The following PHF3 variants were observed in gnomAD, a reference collection of about 807,000 sequenced individuals.
The protein encoded by PHF3 is PHD finger protein 3.
In PHF3, 41 loss-of-function variants were observed where a neutral mutation model predicts 178.4. The observed-to-expected ratio is 0.23, with a 90% confidence interval of 0.18 to 0.30. PHF3 has a LOEUF of 0.30. Ranked by LOEUF, PHF3 falls within the 10% of genes least tolerant of loss-of-function variation. The pLI is 1.00. For synonymous variants in PHF3, 842 were observed against 800.5 expected (o/e 1.05, Z -0.88); for missense variants, 2,346 against 2,398.1 (o/e 0.98, Z 0.45).
Position 63,685,545 on chromosome 6 carries a change from A to G in PHF3, c.1823A>G (p.Lys608Arg). The G allele has an allele frequency of 6.2e-7, 1 of 1,614,170 alleles. No homozygotes were observed. The highest frequency in any genetic ancestry group is 8.5e-7 in the Non-Finnish European group (1 of 1,180,034). The change falls in exon 4 of 16, where the codon AAA (lysine) becomes AGA (arginine). Residue 608 changes from lysine to arginine, a missense_variant. Around this residue, in one of 8 missense-constraint regions of PHF3, gnomAD observed 843 missense variants for 795.2 expected, o/e 1.06. Coordinates refer to ENST00000262043, the MANE Select transcript of PHF3 (RefSeq NM_001370348.2). ...DKSHAHPGCL[K>R]EPHHPAQTGH... ...TCACACGCTCATCCTGGTTGCTTGA[A>G]AGAACCTCATCATCCTGCACAAACT...
intron 1 of PHF3, chr6:63,636,461 T>C (rs4142626): frequency 0.99 from 151,467 of 152,234 alleles, 75,355 homozygotes; most frequent in Middle Eastern, 1. Context: ...AGCCGTCTGC[T>C]GCGAGGGCGC....
intron 12 of PHF3, 54 bp downstream of exon 12, chr6:63,706,278 T>A (rs1249615893): frequency 1.3e-5 from 18 of 1,361,488 alleles, no homozygotes; most frequent in Non-Finnish European, 2.0e-6. Context: ...TTTGCCAGAT[T>A]ATACTTGCAA....
intron 2 of PHF3, among the ~76,000 whole-genome samples, chr6:63,672,923 C>G (rs1371278301): frequency 6.6e-6 from 1 of 152,194 alleles, no homozygotes; most frequent in East Asian, 1.9e-4. Context: ...CTGTATGTCA[C>G]TTTCCCTTCC....
At chr6:63,701,192 TA>T (rs1365627800) in intron 9 of PHF3, among the ~76,000 whole-genome samples, 1 of 152,146 alleles carries the variant, frequency 6.6e-6, no homozygotes, top group Non-Finnish European at 1.5e-5. Flanking sequence ...CCCTGAAAAA[TA>T]AAGTTATTTT....
At chr6:63,705,769 T>C (rs1241352369) in intron 11 of PHF3, among the ~76,000 whole-genome samples, 1 of 152,222 alleles carries the variant, frequency 6.6e-6, no homozygotes, top group Non-Finnish European at 1.5e-5. Flanking sequence ...CATGATTTGC[T>C]TTGAATTGCA....
chr6:63,642,471 A>AC (rs1402543525), intron 1 of PHF3, among the ~76,000 whole-genome samples: 2 of 152,252 alleles, frequency 1.3e-5, no homozygotes, highest in Non-Finnish European at 2.9e-5. Flanking sequence ...TAGATGCTTA[A>AC]CACATGTATG....
intron 4 of PHF3, chr6:63,686,409 G>T (rs183472181): frequency 1.3e-5 from 2 of 152,008 alleles, no homozygotes; most frequent in East Asian, 3.9e-4. Context: ...ACTTTATCTT[G>T]CAGTGAAATT....
At chr6:63,665,503 T>TTC (rs1561950652) in intron 2 of PHF3, among the ~76,000 whole-genome samples, 9 of 148,908 alleles carry the variant, frequency 6.0e-5, no homozygotes, top group Non-Finnish European at 1.3e-4. Context: ...TTTTTTTTTT[T>TTC]TGAGACAGAG....
At chr6:63,653,584 G>C (rs758888786) in intron 2 of PHF3, among the ~76,000 whole-genome samples, 9 of 152,062 alleles carry the variant, frequency 5.9e-5, no homozygotes, top group Non-Finnish European at 1.2e-4. Context: ...TAACAGTGCA[G>C]ATGTACAGTT....
At chr6:63,681,182 T>A (rs62412949) in intron 3 of PHF3, among the ~76,000 whole-genome samples, 7 of 152,044 alleles carry the variant, frequency 4.6e-5, no homozygotes, top group Non-Finnish European at 8.8e-5. Context: ...AAGTTTATTT[T>A]GATGTGTGTG....
chr6:63,692,001 T>C lies in PHF3; in HGVS notation c.2454T>C (p.Tyr818=), dbSNP rs763685382. 15 of 1,613,124 alleles carry C rather than the reference T, an allele frequency of 9.3e-6. No homozygotes were observed. In the South Asian group the frequency reaches 1.3e-4, roughly 14 times the overall value. ...ACACAACAAATGATAGAACCAAATATATAGATGATACAGTGAAGCACAAGG... is the reference window on the plus strand; with the variant it reads ...ACACAACAAATGATAGAACCAAATACATAGATGATACAGTGAAGCACAAGG... ...SKHTTNDRTK[Y]IDDTVKHKVK... Residue 818 remains tyrosine (Y), a synonymous_variant, in exon 5 of 16, where the codon TAT becomes TAC. Transcript: ENST00000262043.
rs554186388 is a variant in PHF3, at chr6:63,722,100, G to C, written c.*8392G>C. The stretch of plus-strand genomic sequence containing the variant: ...CTTCAAATGAAAGCCTGTTCCTTAT[G>C]ATACCATTTAATGGCATTCACTATT... On this transcript the variant is annotated 3_prime_UTR_variant, in exon 16 of 16. Transcript: ENST00000262043. Among the ~76,000 whole-genome samples, 2 of 152,184 alleles carry C rather than the reference G, an allele frequency of 1.3e-5. No individual in the cohort carries two copies. The highest frequency in any genetic ancestry group is 2.1e-4 in the South Asian group (1 of 4,818).
At position 63,715,627 on chromosome 6, in the gene PHF3, A is replaced by T. The variant is rs932248871; in HGVS notation, c.*1919A>T. 1.3e-5 allele frequency: 2 copies of T among 152,148 alleles called. No individual in the cohort carries two copies. Among genetic ancestry groups the T allele is most frequent in the African/African-American group, 4.8e-5 (2 of 41,450 alleles). 9.4% of individuals were successfully genotyped at this position (152,148 alleles called of 1,614,324 possible). On this transcript the variant is annotated 3_prime_UTR_variant, in exon 16 of 16. Coordinates refer to ENST00000262043, the MANE Select transcript of PHF3 (RefSeq NM_001370348.2). Reference sequence around the variant, plus strand: ...TTTTTCTACATATCTAAAATTCTTTAATCAGTTCTGATCGAATCTTGATAC... The same window carrying T: ...TTTTTCTACATATCTAAAATTCTTTTATCAGTTCTGATCGAATCTTGATAC...
At chr6:63,677,900 G>A (rs192647227) in intron 2 of PHF3, among the ~76,000 whole-genome samples, 120 of 152,120 alleles carry the variant, frequency 7.9e-4, no homozygotes, top group Admixed American at 1.7e-3. Context: ...GTATTTAAAG[G>A]AGCATAGTAG....
At chr6:63,648,237 T>G (rs949409848) in intron 2 of PHF3, among the ~76,000 whole-genome samples, 1 of 152,246 alleles carries the variant, frequency 6.6e-6, no homozygotes, top group African/African-American at 2.4e-5. Context: ...TTTTAAAATT[T>G]TGTTTTATGT....
At chr6:63,657,894 TG>T (rs1765304217) in intron 2 of PHF3, among the ~76,000 whole-genome samples, 1 of 152,236 alleles carries the variant, frequency 6.6e-6, no homozygotes, top group African/African-American at 2.4e-5. Context: ...AGTTTTGCTG[TG>T]GGATAAGTAG....
chr6:63,648,025 G>T lies in PHF3; in HGVS notation c.244+1230G>T, dbSNP rs565900096. ...GCAATACTTAAAGTTGGGAATAGGT[G>T]GTCTGCTGTTGGCCCTTAAGTTTGC... On this transcript the variant is annotated intron_variant, in intron 2 of 15. Coordinates refer to ENST00000262043, the MANE Select transcript of PHF3 (RefSeq NM_001370348.2). Among the ~76,000 whole-genome samples, 7 of 152,194 alleles carry T rather than the reference G, an allele frequency of 4.6e-5. No individual in the cohort carries two copies. In the South Asian group the frequency reaches 1.2e-3, roughly 27 times the overall value.
chr6:63,697,609 A>C (rs1319682864), intron 6 of PHF3, among the ~76,000 whole-genome samples: 1 of 152,206 alleles, frequency 6.6e-6, no homozygotes, highest in Non-Finnish European at 1.5e-5. Context: ...ACACATGTTT[A>C]AAAGAGAGAG....
At chr6:63,659,686 T>C (rs1164294755) in intron 2 of PHF3, among the ~76,000 whole-genome samples, 2 of 152,290 alleles carry the variant, frequency 1.3e-5, no homozygotes, top group Non-Finnish European at 2.9e-5. Flanking sequence ...TTATACTTAC[T>C]CGTTCAGCAA....
Sources: gnomAD v4.1 joint callset for allele counts (sites outside exome capture counted in the v4.1 genomes callset) on GRCh38, gnomAD v4.1.1 for gene constraint, gnomAD v4.1.1 regional missense constraint, MANE v1.5 for transcripts, NCBI Gene and HGNC (gene_info 2026-07-23, HGNC 2026-07-21) for gene names.